Variants in PTPRN2 observed in about 807,000 individuals in gnomAD.
PTPRN2 encodes receptor-type tyrosine-protein phosphatase N2.
Under a neutral mutation model 118.8 loss-of-function variants are expected in PTPRN2, and 74 were observed. The observed-to-expected ratio is 0.62, with a 90% CI of 0.52 to 0.76. The LOEUF (loss-of-function observed/expected upper bound fraction) is 0.76, where lower values mean the gene tolerates loss of function less well. PTPRN2 is among the 30% of genes least tolerant of loss of function. The pLI is 0.00. For missense variants in PTPRN2, 1,481 were observed against 1,394.4 expected, an observed-to-expected ratio of 1.06 and a Z score of -0.99; for synonymous variants, 641 against 608.0, an observed-to-expected ratio of 1.05 and a Z score of -0.80.
At chr7:158,166,761 T>A (rs1236166265) in intron 6 of PTPRN2, among the ~76,000 whole-genome samples, 170 bp downstream of exon 6, 1 of 152,172 alleles carries the variant, frequency 6.6e-6, no homozygotes, top group Non-Finnish European at 1.5e-5. Context: ...AGAGAGGGTA[T>A]GAGGGCCGAA....
At chr7:158,272,895 C>T (rs1798609080) in intron 3 of PTPRN2, among the ~76,000 whole-genome samples, 1 of 152,204 alleles carries the variant, frequency 6.6e-6, no homozygotes, top group Non-Finnish European at 1.5e-5. Flanking sequence ...GCTGATGGGG[C>T]TTGGCTGTGT....
intron 6 of PTPRN2, among the ~76,000 whole-genome samples, chr7:158,146,185 A>C (rs891046936): frequency 6.6e-6 from 1 of 152,208 alleles, no homozygotes; most frequent in African/African-American, 2.4e-5. Flanking sequence ...TTAGATGCTC[A>C]GTCACACAAG....
At chr7:157,934,651 C>A (rs542637665) in intron 11 of PTPRN2, among the ~76,000 whole-genome samples, 1 of 152,328 alleles carries the variant, frequency 6.6e-6, no homozygotes, top group African/African-American at 2.4e-5. Context: ...CTTCACTTGG[C>A]GATGATGAGC....
chr7:157,959,947 G>A (rs1357391356), intron 11 of PTPRN2, among the ~76,000 whole-genome samples: 2 of 152,192 alleles, frequency 1.3e-5, no homozygotes, highest in South Asian at 4.1e-4. Context: ...CCCATCAGGG[G>A]AAGAACAGAT....
At chr7:157,888,407 G>C (rs537555875) in intron 12 of PTPRN2, among the ~76,000 whole-genome samples, 1 of 152,076 alleles carries the variant, frequency 6.6e-6, no homozygotes, top group Non-Finnish European at 1.5e-5. Flanking sequence ...TGAACCCACC[G>C]CTTTCGCTCC....
chr7:157,836,164 A>G (rs571953142), intron 12 of PTPRN2, among the ~76,000 whole-genome samples: 2 of 152,402 alleles, frequency 1.3e-5, no homozygotes, highest in East Asian at 3.9e-4. Flanking sequence ...ATCAAAAACT[A>G]TAAATTAAAC....
intron 12 of PTPRN2, among the ~76,000 whole-genome samples, chr7:157,697,748 C>T (rs1797869446): frequency 1.4e-5 from 2 of 142,544 alleles, no homozygotes; most frequent in African/African-American, 2.6e-5. Context: ...GAGCCCTCAC[C>T]GTCTACCCAT....
At chr7:158,150,825 A>T (rs1820937870) in intron 6 of PTPRN2, among the ~76,000 whole-genome samples, 1 of 151,714 alleles carries the variant, frequency 6.6e-6, no homozygotes, top group African/African-American at 2.4e-5. Context: ...CTCTCCCATG[A>T]TGGTTGCACC....
intron 2 of PTPRN2, among the ~76,000 whole-genome samples, chr7:158,476,246 C>A (rs572099603): frequency 6.6e-6 from 1 of 152,224 alleles, no homozygotes; most frequent in Non-Finnish European, 1.5e-5. Flanking sequence ...TCAAGCAATT[C>A]GCCTGCCTTG....
intron 11 of PTPRN2, among the ~76,000 whole-genome samples, chr7:157,902,663 C>T (rs1027217851): frequency 2.0e-5 from 3 of 152,232 alleles, no homozygotes; most frequent in East Asian, 1.9e-4. Flanking sequence ...GAGTGTGACG[C>T]GCGTCAGGAT....
intron 12 of PTPRN2, among the ~76,000 whole-genome samples, chr7:157,772,945 C>T (rs1301815787): frequency 6.6e-6 from 1 of 152,158 alleles, no homozygotes; most frequent in East Asian, 1.9e-4. Context: ...ATGCCGACTC[C>T]GGGTGTACAC....
At chr7:158,576,214 C>T (rs1332787207) in intron 1 of PTPRN2, among the ~76,000 whole-genome samples, 2 of 152,194 alleles carry the variant, frequency 1.3e-5, no homozygotes, top group South Asian at 2.1e-4. Flanking sequence ...AAGTCACTCA[C>T]AGCCAGGCAC....
chr7:157,975,836 C>T (rs1330793875), intron 11 of PTPRN2, among the ~76,000 whole-genome samples: 1 of 152,166 alleles, frequency 6.6e-6, no homozygotes, highest in Non-Finnish European at 1.5e-5. Context: ...TGCAGAGGGT[C>T]CCAACCACAA....
At chr7:158,036,658 G>A (rs761674339) in intron 11 of PTPRN2, among the ~76,000 whole-genome samples, 3 of 152,140 alleles carry the variant, frequency 2.0e-5, no homozygotes, top group Admixed American at 6.5e-5. Flanking sequence ...AGATTAAAGG[G>A]AGAAAAAGTC....
intron 12 of PTPRN2, among the ~76,000 whole-genome samples, chr7:157,871,343 A>C (rs937927724): frequency 6.6e-6 from 1 of 152,154 alleles, no homozygotes; most frequent in Non-Finnish European, 1.5e-5. Context: ...GGTGATTCTG[A>C]TGCAGGCTGA....
At chr7:158,267,737 C>T (rs1013590139) in intron 3 of PTPRN2, among the ~76,000 whole-genome samples, 3 of 152,186 alleles carry the variant, frequency 2.0e-5, no homozygotes, top group African/African-American at 7.2e-5. Context: ...AACTCAGAAA[C>T]ATTTTTAGTG....
chr7:157,632,702 A>C lies in PTPRN2; in HGVS notation c.2197-11193T>G, dbSNP rs1032319104. On this transcript the variant is annotated intron_variant, in intron 14 of 22. Coordinates refer to ENST00000389418, the MANE Select transcript of PTPRN2 (RefSeq NM_002847.5). This position sits in a 1 kb window ranked among gnomAD's most constrained non-coding sequence, Gnocchi z 4.3. ...CTTTGTATTTCAGGCTGTCATTCTC[A>C]GAGAAGCGCAAAGAATTTTAAATGA... Among the ~76,000 whole-genome samples the C allele has an allele frequency of 2.6e-5, 4 of 152,230 alleles. No individual in the cohort carries two copies. Among genetic ancestry groups the C allele is most frequent in the African/African-American group, 4.8e-5 (2 of 41,448 alleles).
chr7:157,907,250 G>C (rs1797823436), intron 11 of PTPRN2, among the ~76,000 whole-genome samples: 1 of 152,206 alleles, frequency 6.6e-6, no homozygotes, highest in African/African-American at 2.4e-5. Context: ...GCGGCCACTG[G>C]CCAGCTGGGC....
At chr7:158,256,308 C>A (rs1182095035) in intron 3 of PTPRN2, among the ~76,000 whole-genome samples, 1 of 151,856 alleles carries the variant, frequency 6.6e-6, no homozygotes, top group Non-Finnish European at 1.5e-5. Flanking sequence ...GTGGACGTGG[C>A]AGGGACCCCG....
Sources: gnomAD v4.1 joint callset for allele counts (sites outside exome capture counted in the v4.1 genomes callset) on GRCh38, gnomAD v4.1.1 for gene constraint, Gnocchi (gnomAD v3.1) non-coding constraint, MANE v1.5 for transcripts, NCBI Gene and HGNC (gene_info 2026-07-23, HGNC 2026-07-21) for gene names.